ABCA9: variants seen among roughly 807,000 people sequenced by gnomAD.
ABCA9 encodes ATP-binding cassette sub-family A member 9.
In ABCA9, 183 loss-of-function variants were observed where a neutral mutation model predicts 205.3. That is an observed-to-expected ratio of 0.89 (90% CI 0.79 to 1.01). The LOEUF (loss-of-function observed/expected upper bound fraction) is 1.01. Ranked by LOEUF, ABCA9 falls within the 50% of genes least tolerant of loss-of-function variation. ABCA9 has a pLI of 0.00. For synonymous variants in ABCA9, 651 were observed against 683.3 expected, an observed-to-expected ratio of 0.95 and a Z score of 0.74; for missense variants, 1,805 against 1,912.4, an observed-to-expected ratio of 0.94 and a Z score of 1.05.
Position 68,988,890 on chromosome 17 carries a change from A to ATAAAT in ABCA9, c.4047+132_4047+136dup. On this transcript the variant is annotated intron_variant, in intron 31 of 38. Transcript: ENST00000340001. ...ACAAACTGTTTTTGGAATTAAGTAT[A>ATAAAT]TAAATTTTTAATCAATCTTCTTTAT... The ATAAAT allele has an allele frequency of 5.4e-6, 3 of 550,804 alleles. No homozygotes were observed. In the South Asian group the frequency reaches 1.0e-4, roughly 19 times the overall value. 34.1% of individuals were successfully genotyped at this position (550,804 alleles called of 1,614,324 possible). A position where few individuals can be genotyped will look rare whatever the true frequency, so the allele number is the denominator to read the frequency against.
intron 3 of ABCA9, among the ~76,000 whole-genome samples, chr17:69,048,996 C>T (rs2071811294): frequency 6.6e-6 from 1 of 152,198 alleles, no homozygotes; most frequent in Admixed American, 6.6e-5. Context: ...GCTGTCACTA[C>T]AGTCCAATGT....
the ABCA9 span, among the ~76,000 whole-genome samples, chr17:69,071,971 C>T: frequency 1.3e-5 from 2 of 152,052 alleles, no homozygotes; most frequent in South Asian, 2.1e-4. Flanking sequence ...ATAGCTGAAT[C>T]GATCAAACAG....
In ABCA9 at chr17:69,008,026, G is replaced by A. The variant is rs777621619; in HGVS notation, c.3321+36C>T. 3.1e-5 allele frequency: 48 copies of A among 1,547,706 alleles called. No individual in the cohort carries two copies. In the African/African-American group the frequency reaches 3.9e-4, roughly 12 times the overall value. ...ATATTACTGCATTCATGAAAAAATA[G>A]TCTAATAAAACCATTTCAAAATTGC... On this transcript the variant is annotated intron_variant, in intron 24 of 38. Coordinates refer to ENST00000340001, the MANE Select transcript of ABCA9 (RefSeq NM_080283.4).
At chr17:68,987,762 G>T (rs56080816) in intron 31 of ABCA9, among the ~76,000 whole-genome samples, 8,809 of 37,412 alleles carry the variant, frequency 0.24, 689 homozygotes, top group Middle Eastern at 0.37. Flanking sequence ...TTGTTTGTTT[G>T]TTTGTTTTTT....
intron 21 of ABCA9, among the ~76,000 whole-genome samples, chr17:69,017,360 C>T (rs1401995818): frequency 6.6e-6 from 1 of 152,028 alleles, no homozygotes; most frequent in African/African-American, 2.4e-5. Context: ...TCAGTTCCAA[C>T]TGAGAATGAG....
intron 31 of ABCA9, 138 bp downstream of exon 31, chr17:68,988,889 T>C (rs551423181): frequency 7.1e-5 from 39 of 547,994 alleles, no homozygotes; most frequent in South Asian, 1.4e-4. Context: ...GAATTAAGTA[T>C]ATAAATTTTT....
Position 69,018,517 on chromosome 17 carries a change from T to C in ABCA9, c.2663A>G (p.Tyr888Cys). Residue 888 changes from tyrosine to cysteine, a missense_variant, in exon 20 of 39, where the codon TAT becomes TGT. Tyr to Cys is a radical substitution (Grantham distance 194). Transcript: ENST00000340001. ...QLLEHLFYESYQKSYPWELSP... is the reference protein window; with the variant it reads ...QLLEHLFYESCQKSYPWELSP... ...CAGTTCCCACGGGTAACTTTTCTGA[T>C]ATGACTCGTAGAATAGATGTTCCAA... is the stretch of plus-strand genomic sequence containing the variant. The C allele has an allele frequency of 6.2e-7, 1 of 1,609,340 alleles. No homozygotes were observed.
Position 69,033,747 on chromosome 17 carries a change from A to G in ABCA9, c.1255T>C (p.Tyr419His), listed in dbSNP as rs754074590. The change falls in exon 9 of 39, where the codon TAT becomes CAT. Residue 419 changes from tyrosine (Y) to histidine (H), a missense_variant. By Grantham distance (83) the Tyr-to-His change is moderately conservative (BLOSUM62 2). Coordinates refer to ENST00000340001, the MANE Select transcript of ABCA9 (RefSeq NM_080283.4). ...DTLLYLVLTL[Y>H]FDKILPAEYG... is the part of the protein sequence containing the mutation. ...TTACCGGGCAAAATTTTGTCAAAAT[A>G]TAATGTCAATACCAAATACAGAAGG... The G allele has an allele frequency of 1.9e-6, 3 of 1,609,018 alleles. No homozygotes were observed. The highest frequency in any genetic ancestry group is 2.5e-6 in the Non-Finnish European group (3 of 1,178,106).
In ABCA9 at chr17:69,043,539, T is replaced by C. The variant is rs1247909445; in HGVS notation, c.750A>G (p.Gln250=). ...TCATTGTCATCAATGACGTAATGTA[T>C]TGTCTTTCTTGTGTAACATTGACTG... ...YVSVNVTQER[Q]YITSLMTMMG... Residue 250 remains glutamine (Q), a synonymous_variant, in exon 6 of 39, where the codon CAA becomes CAG. Coordinates refer to ENST00000340001, the MANE Select transcript of ABCA9 (RefSeq NM_080283.4). The C allele has an allele frequency of 6.2e-7, 1 of 1,610,434 alleles. No individual in the cohort carries two copies. The highest frequency in any genetic ancestry group is 1.3e-5 in the African/African-American group (1 of 74,730).
chr17:69,016,079 C>A (rs2070587056), intron 22 of ABCA9, among the ~76,000 whole-genome samples, 174 bp downstream of exon 22: 1 of 137,224 alleles, frequency 7.3e-6, no homozygotes, highest in Non-Finnish European at 1.6e-5. Flanking sequence ...TAAAATATTG[C>A]ACACAGATTT....
intron 32 of ABCA9, 142 bp downstream of exon 32, chr17:68,986,022 C>T (rs1232477143): frequency 4.3e-6 from 3 of 700,534 alleles, no homozygotes; most frequent in Admixed American, 3.1e-5. Context: ...GAGAAAACAA[C>T]ACTGAACAGA....
Position 69,020,559 on chromosome 17 carries a change from G to A in ABCA9, c.2429C>T (p.Thr810Ile). 6.2e-7 allele frequency: 1 copy of A among 1,613,766 alleles called. No homozygotes were observed. Among genetic ancestry groups the A allele is most frequent in the Non-Finnish European group, 8.5e-7 (1 of 1,179,824 alleles). ...GCTTCCTATATCTTTTGCCCCATCA[G>A]TTTGTAATTGTCCCCAAATTCCAAT... ...SDIGIWGQLQ[T>I]DGAKDIGSLV... Residue 810 changes from threonine (T) to isoleucine (I), a missense_variant, in exon 19 of 39, where the codon ACT becomes ATT. Transcript: ENST00000340001.
At chr17:68,984,300 G>T in intron 34 of ABCA9, 125 bp from the exon 35 acceptor site, 2 of 1,333,858 alleles carry the variant, frequency 1.5e-6, no homozygotes, top group Non-Finnish European at 2.1e-6. Flanking sequence ...CAAAAAAGGG[G>T]TGTGTGTAGG....
Position 68,982,632 on chromosome 17 carries a change from G to A in ABCA9, c.4650C>T (p.Ser1550=), listed in dbSNP as rs954050493. Residue 1550 remains serine (S), a synonymous_variant, in exon 37 of 39, where the codon TCC becomes TCT. Transcript: ENST00000340001. ...CAACAGGCAACTTATAGACCATCAG[G>A]GAGGAGAACCTGCGAAGAGAAGACA... is the stretch of plus-strand genomic sequence containing the variant. The part of the protein sequence containing the change: ...PQAAQQERFS[S]LMVYKLPVED... The A allele has an allele frequency of 1.9e-6, 3 of 1,613,862 alleles. No homozygotes were observed. Among genetic ancestry groups the A allele is most frequent in the Non-Finnish European group, 2.5e-6 (3 of 1,179,810 alleles).
intron 6 of ABCA9, among the ~76,000 whole-genome samples, chr17:69,036,128 G>T (rs9901117): frequency 0.059 from 9,050 of 152,192 alleles, 675 homozygotes; most frequent in African/African-American, 0.16. Flanking sequence ...TTTTCAGTAA[G>T]GTTATTGTAT....
intron 6 of ABCA9, among the ~76,000 whole-genome samples, 180 bp from the exon 7 acceptor site, chr17:69,035,981 A>C (rs2071325220): frequency 1.3e-5 from 2 of 152,208 alleles, no homozygotes; most frequent in South Asian, 4.1e-4. Context: ...TAGGCAATAA[A>C]CAAGTAGAGA....
At chr17:69,069,048 A>G in the ABCA9 span, among the ~76,000 whole-genome samples, 2 of 152,252 alleles carry the variant, frequency 1.3e-5, no homozygotes. Flanking sequence ...TTAAAAATCA[A>G]TAAAATTTAA....
chr17:69,016,177 A>C, intron 22 of ABCA9, 76 bp downstream of exon 22: 1 of 1,117,078 alleles, frequency 9.0e-7, no homozygotes, highest in Non-Finnish European at 1.2e-6. Context: ...AAGTAATATA[A>C]CATTATTTTA....
At position 69,012,100 on chromosome 17, in the gene ABCA9, C is replaced by A; in HGVS notation, c.3040-17G>T. Reference sequence around the variant, plus strand: ...CATATGCTCCTGAAATCATGTGGAACATGGTGAGCTGATGGCGATTGGGCA... The same window carrying A: ...CATATGCTCCTGAAATCATGTGGAAAATGGTGAGCTGATGGCGATTGGGCA... On this transcript the variant is annotated splice_polypyrimidine_tract_variant and intron_variant, in intron 22 of 38. Coordinates refer to ENST00000340001, the MANE Select transcript of ABCA9 (RefSeq NM_080283.4). 1 of 1,558,828 alleles carries A rather than the reference C, an allele frequency of 6.4e-7. No homozygotes were observed. Among genetic ancestry groups the A allele is most frequent in the Non-Finnish European group, 8.8e-7 (1 of 1,137,020 alleles).
Sources: allele counts gnomAD v4.1 joint callset (sites outside exome capture counted in the v4.1 genomes callset), GRCh38; gene constraint gnomAD v4.1.1; transcripts MANE v1.5; gene names NCBI Gene and HGNC (gene_info 2026-07-23, HGNC 2026-07-21).